The following IDO2 variants were observed in gnomAD, a reference collection of about 807,000 sequenced individuals.
The protein encoded by IDO2 is indoleamine 2,3-dioxygenase 2, also known as indoleamine 2,3-dioxygenase-like 1 protein.
A neutral mutation model predicts 45.1 loss-of-function variants in IDO2; 46 were observed. That is an observed-to-expected ratio of 1.02 (90% CI 0.80 to 1.30). The LOEUF (loss-of-function observed/expected upper bound fraction) is 1.30. Among genes scored for constraint, IDO2 ranks in the 50% most tolerant of loss-of-function variants. The pLI is 0.00. For synonymous variants in IDO2, 218 were observed against 184.9 expected (o/e 1.18, Z -1.45); for missense variants, 544 against 491.8 (o/e 1.11, Z -1.00).
At chr8:40,016,057 T>G (rs1390045255) in exon 11 of IDO2, 2 of 391,652 alleles carry the variant, frequency 5.1e-6, no homozygotes, top group Non-Finnish European at 9.0e-6. Context: ...AGACCAGCCC[T>G]CTTCTCCCTG....
intron 10 of IDO2, 150 bp downstream of exon 10, chr8:40,013,863 T>C: frequency 3.4e-6 from 2 of 591,220 alleles, no homozygotes; most frequent in South Asian, 6.1e-5. Flanking sequence ...TGACTGCCAA[T>C]GTTTTTGTGT....
intron 9 of IDO2, among the ~76,000 whole-genome samples, chr8:40,011,773 G>T (rs182480261): frequency 6.6e-6 from 1 of 152,326 alleles, no homozygotes; most frequent in East Asian, 1.9e-4. Flanking sequence ...AGAAAGCTGA[G>T]GCTCAGAGAG....
At chr8:39,944,883 T>C (rs907613876) in intron 1 of IDO2, among the ~76,000 whole-genome samples, 1 of 152,162 alleles carries the variant, frequency 6.6e-6, no homozygotes, top group Non-Finnish European at 1.5e-5. Context: ...TGTCTGAAAG[T>C]GTGGCGTTTT....
chr8:39,962,112 T>C (rs545721048), intron 2 of IDO2, among the ~76,000 whole-genome samples: 2 of 152,346 alleles, frequency 1.3e-5, no homozygotes, highest in African/African-American at 4.8e-5. Context: ...TGTAGTTTAC[T>C]GTCCCTTGGG....
intron 8 of IDO2, among the ~76,000 whole-genome samples, chr8:40,005,035 G>T (rs985036711): frequency 6.6e-6 from 1 of 152,008 alleles, no homozygotes; most frequent in Non-Finnish European, 1.5e-5. Context: ...TTTAAAATAC[G>T]AAATTTTAAA....
chr8:39,938,933 G>A (rs1807598012), intron 1 of IDO2, among the ~76,000 whole-genome samples: 1 of 152,170 alleles, frequency 6.6e-6, no homozygotes, highest in South Asian at 2.1e-4. Flanking sequence ...AGCACTCTCA[G>A]TGCTGGTGAG....
chr8:40,005,365 A>G (rs1367535974), exon 9 of IDO2: 3 of 1,571,198 alleles, frequency 1.9e-6, no homozygotes, highest in South Asian at 2.4e-5. Context: ...AGGCATCCGG[A>G]TCTTTCTCTC....
chr8:39,984,634 C>A (rs1383203327), intron 5 of IDO2, among the ~76,000 whole-genome samples: 2 of 152,126 alleles, frequency 1.3e-5, no homozygotes, highest in African/African-American at 4.8e-5. Context: ...TTTTAATATG[C>A]CTAACACAGA....
chr8:40,010,910 G>C (rs1802300479), intron 9 of IDO2, among the ~76,000 whole-genome samples: 1 of 152,050 alleles, frequency 6.6e-6, no homozygotes. Flanking sequence ...CAGGATATAG[G>C]CTTTTCTTTT....
At position 40,005,326 on chromosome 8, in the gene IDO2, G is replaced by A. The variant is rs1802204122; in HGVS notation, c.668-1G>A. On this transcript the variant is annotated splice_acceptor_variant, in intron 8 of 10. Transcript: ENST00000502986. LOFTEE classifies it high-confidence loss of function. Reference sequence around the variant, plus strand: ...AGTTCACATTTTGATTGCTTCTCCAGATTATGTAGATCCAGACATATTTTA... The same window carrying A: ...AGTTCACATTTTGATTGCTTCTCCAAATTATGTAGATCCAGACATATTTTA... The A allele has an allele frequency of 6.4e-7, 1 of 1,571,642 alleles. No individual in the cohort carries two copies. The highest frequency in any genetic ancestry group is 2.2e-5 in the East Asian group (1 of 44,446).
At chr8:40,014,520 G>T (rs1246869146) in intron 10 of IDO2, among the ~76,000 whole-genome samples, 10 of 151,852 alleles carry the variant, frequency 6.6e-5, no homozygotes, top group Non-Finnish European at 1.0e-4. Flanking sequence ...TCCTTTTCTT[G>T]TGCTCCCTCC....
intron 1 of IDO2, among the ~76,000 whole-genome samples, chr8:39,948,528 G>A (rs1466706391): frequency 1.3e-5 from 2 of 152,246 alleles, no homozygotes; most frequent in Non-Finnish European, 2.9e-5. Context: ...TGTTTGTAAT[G>A]CAGATCCCTC....
At chr8:40,010,043 G>GC (rs1372402384) in intron 9 of IDO2, among the ~76,000 whole-genome samples, 1 of 72,408 alleles carries the variant, frequency 1.4e-5, no homozygotes, top group African/African-American at 5.8e-5. Context: ...GCGGTGGGTG[G>GC]GGGGATGGAC....
intron 3 of IDO2, among the ~76,000 whole-genome samples, chr8:39,965,978 T>C (rs1336797209): frequency 6.6e-6 from 1 of 151,960 alleles, no homozygotes; most frequent in Non-Finnish European, 1.5e-5. Flanking sequence ...TGGTCATTAG[T>C]TATGGCAGCG....
intron 3 of IDO2, among the ~76,000 whole-genome samples, chr8:39,973,135 G>C (rs1441706591): frequency 6.6e-6 from 1 of 152,156 alleles, no homozygotes; most frequent in Non-Finnish European, 1.5e-5. Context: ...GTGAGTGAGG[G>C]AAGTTATAGA....
chr8:39,959,972 G>A (rs1282718978), intron 2 of IDO2, among the ~76,000 whole-genome samples: 1 of 152,000 alleles, frequency 6.6e-6, no homozygotes, highest in Non-Finnish European at 1.5e-5. Context: ...GAGTGAAACT[G>A]TGTCTCAATC....
At position 39,951,048 on chromosome 8, in the gene IDO2, A is replaced by AAAACAAAACAAAACT. The variant is rs1432721223; in HGVS notation, c.99+1798_99+1799insTAAACAAAACAAAAC. Reference sequence around the variant, plus strand: ...GTCTCAAAACAAAACAAAACAAAACAAAACAAAACAAAACAGCTCTCTACT... The same window carrying AAAACAAAACAAAACT: ...GTCTCAAAACAAAACAAAACAAAACAAAACAAAACAAAACTAAACAAAACAAAACAGCTCTCTACT... On this transcript the variant is annotated intron_variant, in intron 2 of 10. Transcript: ENST00000502986. Among the ~76,000 whole-genome samples, 220 of 151,842 alleles carry AAAACAAAACAAAACT rather than the reference A, an allele frequency of 1.4e-3. 4 individuals are homozygous for AAAACAAAACAAAACT. Among genetic ancestry groups the AAAACAAAACAAAACT allele is most frequent in the Non-Finnish European group, 1.3e-4 (9 of 67,992 alleles).
At chr8:39,948,610 G>A (rs780813620) in intron 1 of IDO2, among the ~76,000 whole-genome samples, 6 of 152,102 alleles carry the variant, frequency 3.9e-5, no homozygotes, top group Non-Finnish European at 7.4e-5. Flanking sequence ...TTATCTTGAC[G>A]TGCTAATGGT....
At chr8:39,995,533 C>G (rs766745300) in intron 8 of IDO2, among the ~76,000 whole-genome samples, 1 of 152,066 alleles carries the variant, frequency 6.6e-6, no homozygotes, top group Non-Finnish European at 1.5e-5. Flanking sequence ...CCACCTGCCT[C>G]GGCCTCCCAA....
Sources: gnomAD v4.1 joint callset for allele counts (sites outside exome capture counted in the v4.1 genomes callset) on GRCh38, gnomAD v4.1.1 for gene constraint, MANE v1.5 for transcripts, NCBI Gene and HGNC (gene_info 2026-07-23, HGNC 2026-07-21) for gene names.